TFG: variants seen among roughly 807,000 people sequenced by gnomAD.
The protein encoded by TFG is trafficking from ER to golgi regulator, also known as protein TFG.
In TFG, 22 loss-of-function variants were observed where a neutral mutation model predicts 51.4. That is an observed-to-expected ratio of 0.43 (90% CI 0.31 to 0.61). TFG has a LOEUF of 0.61. Among genes scored for constraint, TFG ranks in the 20% least tolerant of loss-of-function variants. TFG has a pLI of 0.12. For synonymous variants in TFG, 187 were observed against 165.6 expected (o/e 1.13, Z -0.99); for missense variants, 419 against 487.7 (o/e 0.86, Z 1.33).
intron 6 of TFG, chr3:100,744,269 G>A (rs1320080758): frequency 6.6e-6 from 1 of 152,138 alleles, no homozygotes; most frequent in Non-Finnish European, 1.5e-5. Flanking sequence ...TAGAGTCCAC[G>A]TTATTGGCAA....
At chr3:100,732,324 C>A (rs2095093862) in intron 4 of TFG, among the ~76,000 whole-genome samples, 184 bp from the exon 5 acceptor site, 1 of 151,944 alleles carries the variant, frequency 6.6e-6, no homozygotes, top group Non-Finnish European at 1.5e-5. Context: ...CCTCTTCTCC[C>A]TGTTACTAGA....
At chr3:100,715,482 C>T (rs1278833517) in intron 2 of TFG, among the ~76,000 whole-genome samples, 2 of 152,184 alleles carry the variant, frequency 1.3e-5, no homozygotes, top group Admixed American at 1.3e-4. Context: ...CCACTTAGCA[C>T]AACTTATACT....
Position 100,713,742 on chromosome 3 carries a change from G to A in TFG, c.57G>A (p.Glu19=), listed in dbSNP as rs1576353054. Residue 19 remains glutamate (E), a synonymous_variant, in exon 2 of 8, where the codon GAG becomes GAA. Transcript: ENST00000240851. ...GKLIIKAQLG[E]DIRRIPIHNE... is the part of the protein sequence containing the mutation. ...TAATCATCAAAGCTCAACTTGGGGA[G>A]GATATTCGGCGAATTCCTATTCATA... 1 of 1,610,900 alleles carries A rather than the reference G, an allele frequency of 6.2e-7. No homozygotes were observed. The highest frequency in any genetic ancestry group is 8.5e-7 in the Non-Finnish European group (1 of 1,178,092).
chr3:100,710,728 A>C (rs2095028480), intron 1 of TFG, among the ~76,000 whole-genome samples: 1 of 152,184 alleles, frequency 6.6e-6, no homozygotes, highest in Admixed American at 6.5e-5. Context: ...ATATTATACA[A>C]GTTAGAAGCC....
In TFG at chr3:100,728,998, T is replaced by A. The variant is rs1362288094; in HGVS notation, c.415+140T>A. The A allele has an allele frequency of 5.7e-6, 4 of 695,980 alleles. No homozygotes were observed. The Admixed American group carries it at 1.4e-4, about 24-fold the overall frequency. The allele number at this position is 695,980 out of a possible 1,614,324, so 43.1% of individuals were successfully genotyped here. A position where few individuals can be genotyped will look rare whatever the true frequency, so the allele number is the denominator to read the frequency against. ...TCCTCTGCCTCTCTACTAGTATTTA[T>A]GTCTGTGTTCCTAAACTTTGCTGTT... On this transcript the variant is annotated intron_variant, in intron 4 of 7. Transcript: ENST00000240851.
chr3:100,728,945 T>C (rs2095083699), intron 4 of TFG, 87 bp downstream of exon 4: 2 of 1,201,660 alleles, frequency 1.7e-6, no homozygotes, highest in Admixed American at 2.5e-5. Context: ...AGGAGAAGGA[T>C]GGCATCCCCA....
chr3:100,711,035 C>T (rs1055662343), intron 1 of TFG: 5 of 152,034 alleles, frequency 3.3e-5, no homozygotes, highest in East Asian at 1.9e-4. Context: ...AAGATGTTTA[C>T]AGTCAATAGG....
chr3:100,732,438 T>C, intron 4 of TFG, 70 bp from the exon 5 acceptor site: 2 of 1,105,370 alleles, frequency 1.8e-6, no homozygotes, highest in Non-Finnish European at 2.6e-6. Context: ...TTATTTCCCT[T>C]GTACTTTTAG....
chr3:100,731,789 C>G (rs2095092381), intron 4 of TFG, among the ~76,000 whole-genome samples: 1 of 152,138 alleles, frequency 6.6e-6, no homozygotes, highest in Non-Finnish European at 1.5e-5. Flanking sequence ...CTCAAGTGAT[C>G]TACCCACCTC....
At chr3:100,734,524 C>T (rs543720032) in intron 5 of TFG, among the ~76,000 whole-genome samples, 1 of 152,290 alleles carries the variant, frequency 6.6e-6, no homozygotes, top group East Asian at 1.9e-4. Flanking sequence ...CAGAGGTCAG[C>T]GCTTTTAATT....
chr3:100,743,299 A>T (rs1190280857), intron 6 of TFG: 3 of 152,146 alleles, frequency 2.0e-5, no homozygotes, highest in African/African-American at 7.2e-5. Flanking sequence ...ATTTTCAAGA[A>T]TTAAGAGTTC....
intron 1 of TFG, among the ~76,000 whole-genome samples, chr3:100,710,510 G>C (rs1190060710): frequency 6.6e-6 from 1 of 152,196 alleles, no homozygotes; most frequent in Non-Finnish European, 1.5e-5. Flanking sequence ...GGTTGACTTG[G>C]CTTAGTATTT....
intron 3 of TFG, among the ~76,000 whole-genome samples, chr3:100,724,144 A>G (rs1277845242): frequency 6.6e-6 from 1 of 152,222 alleles, no homozygotes; most frequent in African/African-American, 2.4e-5. Context: ...AATACTTTAT[A>G]TTAGTAAACT....
intron 2 of TFG, among the ~76,000 whole-genome samples, chr3:100,715,923 CT>C (rs897958421): frequency 4.8e-4 from 70 of 146,416 alleles, no homozygotes; most frequent in African/African-American, 1.4e-3. Flanking sequence ...CCCAAGAGTA[CT>C]TTTTTTTTTA....
intron 2 of TFG, among the ~76,000 whole-genome samples, chr3:100,717,700 A>G (rs1475355847): frequency 2.0e-5 from 3 of 148,904 alleles, no homozygotes. Flanking sequence ...TTGTATGTGT[A>G]TAGAAACACT....
rs1364073370 is a variant in TFG, at chr3:100,732,508, A to G, written c.416A>G (p.Asp139Gly). 1 of 1,601,742 alleles carries G rather than the reference A, an allele frequency of 6.2e-7. No individual in the cohort carries two copies. The highest frequency in any genetic ancestry group is 8.5e-7 in the Non-Finnish European group (1 of 1,176,410). ...PGPSTNIPEN[D>G]TVDGREEKSA... ...TTTGTTTATTCCTCTATTTTTACAG[A>G]TACTGTGGATGGTAGGGAAGAAAAG... Residue 139 changes from aspartate (D) to glycine (G), a missense_variant and splice_region_variant, in exon 5 of 8, where the codon GAT becomes GGT. Around this residue, in one of 3 missense-constraint regions of TFG, gnomAD observed 391 missense variants for 434.4 expected, o/e 0.90. Transcript: ENST00000240851.
rs1283577584 is a variant in TFG at position 100,713,790 on chromosome 3, A to G, written c.105A>G (p.Glu35=). Residue 35 remains glutamate, a synonymous_variant, in exon 2 of 8, where the codon GAA becomes GAG. Coordinates refer to ENST00000240851, the MANE Select transcript of TFG (RefSeq NM_006070.6). ...ATAATGAAGATATTACTTATGATGA[A>G]TTAGTGCTAATGATGCAACGAGTTT... ...PIHNEDITYD[E]LVLMMQRVFR... 6.2e-7 allele frequency: 1 copy of G among 1,609,204 alleles called. No individual in the cohort carries two copies. Among genetic ancestry groups the G allele is most frequent in the East Asian group, 2.2e-5 (1 of 44,822 alleles).
intron 3 of TFG, among the ~76,000 whole-genome samples, chr3:100,721,014 A>G (rs2095059412): frequency 6.6e-6 from 1 of 152,250 alleles, no homozygotes; most frequent in East Asian, 1.9e-4. Flanking sequence ...TTTAATTTGT[A>G]TCTATTTCAT....
Position 100,709,784 on chromosome 3 carries a change from C to G in TFG, c.-44+63C>G, listed in dbSNP as rs540855291. 9.4e-4 allele frequency: 141 copies of G among 149,882 alleles called. 1 individual carries two copies. Among genetic ancestry groups the G allele is most frequent in the Admixed American group, 2.5e-3 (38 of 15,102 alleles). 9.3% of individuals were successfully genotyped at this position (149,882 alleles called of 1,614,324 possible). ...CCGAGGAGGCCGGGAGACTAGGAGG[C>G]GCTGGGAGGGCCTCGTTCGAACCGC... is the stretch of plus-strand genomic sequence containing the variant. On this transcript the variant is annotated intron_variant, in intron 1 of 7. Coordinates refer to ENST00000240851, the MANE Select transcript of TFG (RefSeq NM_006070.6).
Sources: gnomAD v4.1 joint callset for allele counts (sites outside exome capture counted in the v4.1 genomes callset) on GRCh38, gnomAD v4.1.1 for gene constraint, gnomAD v4.1.1 regional missense constraint, MANE v1.5 for transcripts, NCBI Gene and HGNC (gene_info 2026-07-23, HGNC 2026-07-21) for gene names.